The following PSD3 variants were observed in gnomAD, a reference collection of about 807,000 sequenced individuals.
PSD3 encodes the protein PH and SEC7 domain-containing protein 3.
A neutral mutation model predicts 105.5 loss-of-function variants in PSD3; 49 were observed. That is an observed-to-expected ratio of 0.46 (90% CI 0.37 to 0.59). The LOEUF (loss-of-function observed/expected upper bound fraction) is 0.59, where lower values mean the gene tolerates loss of function less well. Among genes scored for constraint, PSD3 ranks in the 20% least tolerant of loss-of-function variants. The probability of loss-of-function intolerance (pLI) is 0.00; values close to 1 mark genes in which losing one functional copy is unlikely to be tolerated. For missense variants in PSD3, 1,561 were observed against 1,263.8 expected, an observed-to-expected ratio of 1.24 and a Z score of -3.57; for synonymous variants, 557 against 457.8, an observed-to-expected ratio of 1.22 and a Z score of -2.77.
chr8:18,729,295 G>T (rs761607032), intron 9 of PSD3, among the ~76,000 whole-genome samples: 4 of 152,136 alleles, frequency 2.6e-5, no homozygotes, highest in Admixed American at 2.6e-4. Context: ...ATGAGCTAAG[G>T]AAACAGCTCT....
rs147926902 is a variant in PSD3, at chr8:18,717,481, A to G, written c.2172+47968T>C. ...GTTCTAATTTGCTTTTCTTTATACA[A>G]TGTTAATGTTGCAAGCTTTTGAGCC... On this transcript the variant is annotated intron_variant, in intron 9 of 15. Transcript: ENST00000327040. Among the ~76,000 whole-genome samples, 27 of 152,286 alleles carry G rather than the reference A, an allele frequency of 1.8e-4. No individual in the cohort carries two copies. The East Asian group carries it at 5.2e-3, about 29-fold the overall frequency.
intron 1 of PSD3, among the ~76,000 whole-genome samples, chr8:18,961,696 A>C (rs1823937798): frequency 1.3e-5 from 2 of 152,166 alleles, no homozygotes; most frequent in Non-Finnish European, 1.5e-5. Flanking sequence ...GCCTCAAATA[A>C]ATAAATGCAG....
intron 9 of PSD3, among the ~76,000 whole-genome samples, chr8:18,731,484 A>G (rs140810245): frequency 7.9e-5 from 12 of 152,352 alleles, no homozygotes; most frequent in African/African-American, 2.4e-4. Context: ...ACTGCCCTGT[A>G]TCAAACATGA....
intron 4 of PSD3, chr8:18,865,263 TATATATATATATATATA>T (rs1563360304): frequency 0.016 from 116 of 7,044 alleles, 15 homozygotes; most frequent in African/African-American, 0.026. Context: ...TATATATATA[TATATATATATATATATA>T]TATATATTTT....
At chr8:18,899,810 GT>G (rs1191821493) in intron 2 of PSD3, among the ~76,000 whole-genome samples, 1 of 152,114 alleles carries the variant, frequency 6.6e-6, no homozygotes, top group Non-Finnish European at 1.5e-5. Flanking sequence ...TGGTATCTGT[GT>G]TTATCTTTTC....
At position 18,652,493 on chromosome 8, in the gene PSD3, G is replaced by GTTTTTTTTTTTTT. The variant is rs67555804; in HGVS notation, c.2216+3136_2216+3148dup. On this transcript the variant is annotated intron_variant, in intron 10 of 15. Coordinates refer to ENST00000327040, the MANE Select transcript of PSD3 (RefSeq NM_015310.4). ...ACACTTTTATCAAGGAAAAAGCTTAGTTTTTTTTTTTTTTTTTTTTTTGAG... is the reference window on the plus strand; with the variant it reads ...ACACTTTTATCAAGGAAAAAGCTTAGTTTTTTTTTTTTTTTTTTTTTTTTTTTTTTTTTTTGAG... Among the ~76,000 whole-genome samples, 108 of 92,596 alleles carry GTTTTTTTTTTTTT rather than the reference G, an allele frequency of 1.2e-3. 4 individuals carry two copies. The highest frequency in any genetic ancestry group is 2.0e-3 in the East Asian group (6 of 2,994). The allele number at this position is 92,596 out of a possible 152,430, so 60.7% of individuals were successfully genotyped here. A position where few individuals can be genotyped will look rare whatever the true frequency, so the allele number is the denominator to read the frequency against.
chr8:18,590,527 G>C (rs1262196744), intron 12 of PSD3, among the ~76,000 whole-genome samples: 2 of 152,088 alleles, frequency 1.3e-5, no homozygotes, highest in Non-Finnish European at 2.9e-5. Context: ...ACTTCTGTAA[G>C]GAATGACATT....
intron 9 of PSD3, among the ~76,000 whole-genome samples, chr8:18,685,738 A>G (rs1394566490): frequency 6.6e-6 from 1 of 152,228 alleles, no homozygotes; most frequent in African/African-American, 2.4e-5. Context: ...ATCATTTGGA[A>G]TAGACTTAGT....
intron 9 of PSD3, among the ~76,000 whole-genome samples, chr8:18,749,217 C>G (rs776750828): frequency 1.8e-4 from 28 of 152,186 alleles, no homozygotes; most frequent in Non-Finnish European, 2.9e-4. Context: ...TATGGCTGCT[C>G]TTAGTGGACC....
chr8:18,793,166 C>G (rs1372293764), intron 8 of PSD3, among the ~76,000 whole-genome samples: 1 of 151,860 alleles, frequency 6.6e-6, no homozygotes, highest in East Asian at 1.9e-4. Flanking sequence ...TGCACACCCC[C>G]TGTCGTGGGG....
chr8:18,807,114 A>G (rs1811271420), intron 4 of PSD3, among the ~76,000 whole-genome samples: 1 of 152,212 alleles, frequency 6.6e-6, no homozygotes, highest in African/African-American at 2.4e-5. Context: ...GAAATGACAA[A>G]AACCATTGTA....
rs147597003 is a variant in PSD3 at position 18,902,739 on chromosome 8, A to C, written c.131-30006T>G. Reference sequence around the variant, plus strand: ...GTGGTAACTGTTTCCAGACAGGTGCAGTAGTAGAGTCTCTGTGCAGACTCT... The same window carrying C: ...GTGGTAACTGTTTCCAGACAGGTGCCGTAGTAGAGTCTCTGTGCAGACTCT... On this transcript the variant is annotated intron_variant, in intron 2 of 15. Transcript: ENST00000327040. 2.1e-3 allele frequency among the ~76,000 whole-genome samples: 327 copies of C among 152,338 alleles called. 2 individuals carry two copies. Among genetic ancestry groups the C allele is most frequent in the Middle Eastern group, 0.017 (5 of 294 alleles).
intron 9 of PSD3, 110 bp from the exon 10 acceptor site, chr8:18,655,795 C>A (rs1808844180): frequency 3.0e-6 from 3 of 1,000,472 alleles, no homozygotes; most frequent in Admixed American, 2.0e-5. Flanking sequence ...CGAAGCCCCC[C>A]TTGTCAGTCA....
intron 15 of PSD3, among the ~76,000 whole-genome samples, chr8:18,544,684 A>G (rs934624202): frequency 1.3e-5 from 2 of 152,168 alleles, no homozygotes; most frequent in Admixed American, 1.3e-4. Context: ...TTTTAATATA[A>G]TGGTACAATC....
intron 11 of PSD3, among the ~76,000 whole-genome samples, chr8:18,613,508 C>T (rs57867962): frequency 0.02 from 3,000 of 152,168 alleles, 99 homozygotes; most frequent in African/African-American, 0.069. Flanking sequence ...TGTCTGCGAG[C>T]CTAATCTTTC....
intron 11 of PSD3, among the ~76,000 whole-genome samples, chr8:18,627,841 G>GA (rs1252079784): frequency 6.7e-6 from 1 of 150,302 alleles, no homozygotes; most frequent in Non-Finnish European, 1.5e-5. Flanking sequence ...AAAGCCAGCA[G>GA]AAAAAAAATA....
chr8:18,781,988 A>G (rs1808680631), intron 8 of PSD3, among the ~76,000 whole-genome samples: 1 of 151,878 alleles, frequency 6.6e-6, no homozygotes, highest in Non-Finnish European at 1.5e-5. Flanking sequence ...ACTGATGATT[A>G]TATTTTTTAT....
At chr8:19,063,962 T>C (rs893816976) in intron 1 of PSD3, among the ~76,000 whole-genome samples, 1 of 151,840 alleles carries the variant, frequency 6.6e-6, no homozygotes, top group Admixed American at 6.6e-5. Flanking sequence ...ACCAACATGG[T>C]GAAACCGTAT....
intron 4 of PSD3, chr8:18,849,720 T>G (rs1338784254): frequency 6.6e-6 from 1 of 152,228 alleles, no homozygotes; most frequent in Non-Finnish European, 1.5e-5. Flanking sequence ...TGAGGTGGAT[T>G]CTTTCCTCTT....
Sources: gnomAD v4.1 joint callset for allele counts (sites outside exome capture counted in the v4.1 genomes callset) on GRCh38, gnomAD v4.1.1 for gene constraint, MANE v1.5 for transcripts, NCBI Gene and HGNC (gene_info 2026-07-23, HGNC 2026-07-21) for gene names.